The following DTNA variants were observed in gnomAD, a reference collection of about 807,000 sequenced individuals.
DTNA encodes the protein dystrophin-related protein 3.
In DTNA, 43 loss-of-function variants were observed where a neutral mutation model predicts 100.7. The ratio of observed to expected loss-of-function variants is 0.43; its 90% CI spans 0.33 to 0.55. DTNA has a LOEUF of 0.55. DTNA is among the 20% of genes least tolerant of loss of function. DTNA has a pLI of 0.04. For missense variants in DTNA, 798 were observed against 953.9 expected, an observed-to-expected ratio of 0.84 and a Z score of 2.15; for synonymous variants, 349 against 347.9, an observed-to-expected ratio of 1.00 and a Z score of -0.04.
chr18:34,672,180 TA>T (rs2076849727), intron 1 of DTNA, among the ~76,000 whole-genome samples: 1 of 152,146 alleles, frequency 6.6e-6, no homozygotes, highest in Non-Finnish European at 1.5e-5. Flanking sequence ...ATGGAGAACA[TA>T]AAGCTTTAAT....
intron 1 of DTNA, among the ~76,000 whole-genome samples, chr18:34,702,122 T>C (rs1404761000): frequency 6.6e-6 from 1 of 152,174 alleles, no homozygotes; most frequent in Non-Finnish European, 1.5e-5. Context: ...CACACTGCTG[T>C]TCCTGCATTC....
intron 21 of DTNA, among the ~76,000 whole-genome samples, chr18:34,884,289 TA>T (rs2096901700): frequency 6.6e-6 from 1 of 152,194 alleles, no homozygotes; most frequent in African/African-American, 2.4e-5. Context: ...CCATTCCATA[TA>T]AAATATTAGA....
At chr18:34,508,993 AC>A (rs1243542590) in intron 1 of DTNA, among the ~76,000 whole-genome samples, 3 of 152,030 alleles carry the variant, frequency 2.0e-5, no homozygotes, top group Non-Finnish European at 4.4e-5. Flanking sequence ...GTTCCTCACC[AC>A]CAGTTGTCTT....
At chr18:34,881,991 C>G in intron 20 of DTNA, 78 bp from the exon 21 acceptor site, 1 of 1,603,520 alleles carries the variant, frequency 6.2e-7, no homozygotes, top group Non-Finnish European at 8.5e-7. Context: ...GCCAACGAAA[C>G]TACAGCTCAC....
At chr18:34,848,176 G>A in intron 13 of DTNA, 120 bp from the exon 14 acceptor site, 1 of 857,046 alleles carries the variant, frequency 1.2e-6, no homozygotes. Context: ...ACAGGGTTTT[G>A]TGTAGTTTGC....
intron 1 of DTNA, among the ~76,000 whole-genome samples, chr18:34,675,482 T>C (rs933004650): frequency 6.6e-6 from 1 of 152,144 alleles, no homozygotes; most frequent in African/African-American, 2.4e-5. Flanking sequence ...ATTCTTCAGA[T>C]TGTGATGATG....
intron 1 of DTNA, among the ~76,000 whole-genome samples, chr18:34,506,681 A>G (rs2040524741): frequency 6.6e-6 from 1 of 152,120 alleles, no homozygotes; most frequent in Non-Finnish European, 1.5e-5. Flanking sequence ...CTGGGTTTCC[A>G]GTTTCTTTAG....
At chr18:34,847,184 CT>C (rs1165212886) in intron 13 of DTNA, among the ~76,000 whole-genome samples, 1 of 152,096 alleles carries the variant, frequency 6.6e-6, no homozygotes, top group Non-Finnish European at 1.5e-5. Flanking sequence ...ATGAAGTTTT[CT>C]GAAATATGGA....
intron 1 of DTNA, among the ~76,000 whole-genome samples, chr18:34,748,471 G>A (rs2147984248): frequency 6.6e-6 from 1 of 152,234 alleles, no homozygotes; most frequent in East Asian, 1.9e-4. Context: ...GCCATATTGA[G>A]TTGATTTCTT....
At chr18:34,819,958 G>T (rs2149435118) in intron 8 of DTNA, among the ~76,000 whole-genome samples, 1 of 148,932 alleles carries the variant, frequency 6.7e-6, no homozygotes, top group South Asian at 2.1e-4. Flanking sequence ...TTATTATGTT[G>T]GTGCAAAAGC....
rs754197760 is a variant in DTNA at position 34,523,775 on chromosome 18, G to A, written c.-2+30261G>A. On this transcript the variant is annotated intron_variant, in intron 1 of 19. Transcript: ENST00000283365. The stretch of plus-strand genomic sequence containing the variant: ...TCTTTTATCATATTAATTTTAATTC[G>A]AAGGCTATTTTATAATGAGACAATA... Among the ~76,000 whole-genome samples the A allele has an allele frequency of 2.6e-5, 4 of 152,100 alleles. No individual in the cohort carries two copies. The East Asian group carries it at 5.8e-4, about 22-fold the overall frequency.
intron 1 of DTNA, among the ~76,000 whole-genome samples, chr18:34,573,624 G>T (rs189085137): frequency 1.4e-4 from 21 of 152,226 alleles, no homozygotes; most frequent in East Asian, 1.9e-4. Context: ...AACATGATGC[G>T]TTGCAGTATG....
intron 1 of DTNA, among the ~76,000 whole-genome samples, chr18:34,628,917 T>C (rs1341224438): frequency 6.6e-6 from 1 of 152,168 alleles, no homozygotes; most frequent in Non-Finnish European, 1.5e-5. Context: ...TTAATAATTT[T>C]ATCTAGAAAA....
chr18:34,503,279 A>ATTTTTT (rs869258771), intron 1 of DTNA, among the ~76,000 whole-genome samples: 1 of 62,042 alleles, frequency 1.6e-5, no homozygotes, highest in African/African-American at 6.7e-5. Flanking sequence ...TAATTGGCTC[A>ATTTTTT]TTTTTTTTTT....
Position 34,794,130 on chromosome 18 carries a change from T to G in DTNA, c.242T>G (p.Leu81Ter). ...DPNTELNVSRLEAVLSTIFYQ... is the reference protein window; with the variant it reads ...DPNTELNVSR The stretch of plus-strand genomic sequence containing the variant: ...AACACTGAACTCAACGTGTCCCGCT[T>G]AGAGGCTGTGCTCTCCACTATTTTT... The change falls in exon 4 of 23, where the codon TTA (leucine) becomes TGA (stop). Residue 81 changes from leucine to a stop codon, truncating the protein, a stop_gained. Transcript: ENST00000444659. LOFTEE classifies it high-confidence loss of function. 1 of 1,614,168 alleles carries G rather than the reference T, an allele frequency of 6.2e-7. No homozygotes were observed. The highest frequency in any genetic ancestry group is 8.5e-7 in the Non-Finnish European group (1 of 1,180,010).
intron 1 of DTNA, among the ~76,000 whole-genome samples, chr18:34,745,536 C>A (rs558846296): frequency 6.6e-6 from 1 of 152,266 alleles, no homozygotes; most frequent in Admixed American, 6.5e-5. Context: ...TTTCAGGATG[C>A]GAGTTTCTGC....
intron 4 of DTNA, 75 bp from the exon 5 acceptor site, chr18:34,806,144 G>T: frequency 1.5e-6 from 2 of 1,290,438 alleles, no homozygotes; most frequent in Non-Finnish European, 2.2e-6. Context: ...AAACCTTGTT[G>T]CTGGAAGTAC....
At chr18:34,790,098 A>G (rs1324051048) in intron 3 of DTNA, among the ~76,000 whole-genome samples, 1 of 152,228 alleles carries the variant, frequency 6.6e-6, no homozygotes, top group Admixed American at 6.5e-5. Flanking sequence ...ACCCTGTTTC[A>G]CTGTTGAGTC....
chr18:34,702,417 A>G (rs1423918069), intron 1 of DTNA, among the ~76,000 whole-genome samples: 2 of 152,242 alleles, frequency 1.3e-5, no homozygotes, highest in South Asian at 4.1e-4. Context: ...AGTCTTCAGC[A>G]TAAGTATTAA....
Sources: gnomAD v4.1 joint callset for allele counts (sites outside exome capture counted in the v4.1 genomes callset) on GRCh38, gnomAD v4.1.1 for gene constraint, MANE v1.5 for transcripts, NCBI Gene and HGNC (gene_info 2026-07-23, HGNC 2026-07-21) for gene names.